Variants in MAN1C1 observed in about 807,000 individuals in gnomAD.
The protein encoded by MAN1C1 is mannosyl-oligosaccharide 1,2-alpha-mannosidase IC.
MAN1C1 carries 49 observed loss-of-function variants against 71.5 expected under a neutral mutation model. The ratio of observed to expected loss-of-function variants is 0.69; its 90% CI spans 0.54 to 0.87. MAN1C1 has a LOEUF of 0.87. Among genes scored for constraint, MAN1C1 ranks in the 40% least tolerant of loss-of-function variants. The probability of loss-of-function intolerance (pLI) is 0.00; values close to 1 mark genes in which losing one functional copy is unlikely to be tolerated. For missense variants in MAN1C1, 743 were observed against 835.0 expected (o/e 0.89, Z 1.36); for synonymous variants, 352 against 343.7 (o/e 1.02, Z -0.27).
chr1:25,710,657 A>G (rs2046601497), intron 2 of MAN1C1, among the ~76,000 whole-genome samples: 2 of 152,168 alleles, frequency 1.3e-5, no homozygotes, highest in Non-Finnish European at 2.9e-5. Flanking sequence ...GGCTTTCTGG[A>G]AGCATGATTC....
chr1:25,642,735 A>G (rs2045554341), intron 1 of MAN1C1, among the ~76,000 whole-genome samples: 1 of 152,222 alleles, frequency 6.6e-6, no homozygotes, highest in Non-Finnish European at 1.5e-5. Context: ...CATTTAGCCT[A>G]AGAGCATTCA....
intron 6 of MAN1C1, 58 bp downstream of exon 6, chr1:25,758,767 A>G: frequency 6.7e-7 from 1 of 1,496,550 alleles, no homozygotes; most frequent in Non-Finnish European, 9.3e-7. Flanking sequence ...TGCGGCTGCC[A>G]CAGGGTTTTC....
At chr1:25,697,596 A>G (rs1019314586) in intron 2 of MAN1C1, among the ~76,000 whole-genome samples, 1 of 152,212 alleles carries the variant, frequency 6.6e-6, no homozygotes, top group Admixed American at 6.5e-5. Context: ...CTCTTTTGGT[A>G]GCTCTACATG....
chr1:25,752,418 C>T (rs751636261), intron 4 of MAN1C1, among the ~76,000 whole-genome samples: 1 of 152,176 alleles, frequency 6.6e-6, no homozygotes, highest in Admixed American at 6.5e-5. Flanking sequence ...CCACCTGCTT[C>T]GGCCTCCCAA....
intron 2 of MAN1C1, among the ~76,000 whole-genome samples, chr1:25,728,595 A>C (rs1299297217): frequency 6.6e-6 from 1 of 152,052 alleles, no homozygotes; most frequent in Non-Finnish European, 1.5e-5. Flanking sequence ...TGACTCAGGC[A>C]CTCAGGGTGA....
intron 1 of MAN1C1, among the ~76,000 whole-genome samples, chr1:25,646,766 C>T (rs1028531234): frequency 9.2e-5 from 14 of 152,130 alleles, no homozygotes; most frequent in East Asian, 1.9e-4. Context: ...TTTTGATGGC[C>T]GGATAAAATC....
chr1:25,652,395 C>G (rs1268450760), intron 1 of MAN1C1, among the ~76,000 whole-genome samples: 1 of 152,244 alleles, frequency 6.6e-6, no homozygotes, highest in Non-Finnish European at 1.5e-5. Flanking sequence ...CAGTGGCGCT[C>G]TCCCGGGAAG....
chr1:25,627,069 G>C (rs2045305725), intron 1 of MAN1C1, among the ~76,000 whole-genome samples: 1 of 152,024 alleles, frequency 6.6e-6, no homozygotes, highest in Non-Finnish European at 1.5e-5. Context: ...TGTAAGGTAG[G>C]AGTTAAAGTT....
intron 2 of MAN1C1, among the ~76,000 whole-genome samples, chr1:25,698,908 A>G (rs2046401140): frequency 1.3e-5 from 2 of 151,350 alleles, no homozygotes; most frequent in Non-Finnish European, 2.9e-5. Context: ...AGATCGCGCC[A>G]CTGCACTCCA....
intron 1 of MAN1C1, among the ~76,000 whole-genome samples, chr1:25,629,902 T>C (rs1201357268): frequency 6.6e-6 from 1 of 152,180 alleles, no homozygotes; most frequent in Non-Finnish European, 1.5e-5. Context: ...CGAGATCCCA[T>C]TTATTGATCT....
intron 2 of MAN1C1, among the ~76,000 whole-genome samples, chr1:25,720,856 A>T (rs2046753304): frequency 6.6e-6 from 1 of 152,138 alleles, no homozygotes; most frequent in Non-Finnish European, 1.5e-5. Context: ...TTGTGGTGTG[A>T]GGTAGGACTC....
rs376041844 is a variant in MAN1C1, at chr1:25,643,586, TTTATTA to T, written c.540+25273_540+25278del. 1.6e-3 allele frequency among the ~76,000 whole-genome samples: 225 copies of T among 139,864 alleles called. 1 individual carries two copies. The highest frequency in any genetic ancestry group is 4.9e-3 in the African/African-American group (176 of 35,990). 91.8% of individuals were successfully genotyped at this position (139,864 alleles called of 152,430 possible). A position where few individuals can be genotyped will look rare whatever the true frequency, so the allele number is the denominator to read the frequency against. Reference sequence around the variant, plus strand: ...ACGCCTGGCCTTTTATATATATATATTTATTATTATTATTATTATTATTATTATTTG... The same window carrying T: ...ACGCCTGGCCTTTTATATATATATATTTATTATTATTATTATTATTATTTG... On this transcript the variant is annotated intron_variant, in intron 1 of 11. Coordinates refer to ENST00000374332, the MANE Select transcript of MAN1C1 (RefSeq NM_020379.4).
chr1:25,618,538 C>A (rs1041668559), intron 1 of MAN1C1, among the ~76,000 whole-genome samples: 2 of 152,080 alleles, frequency 1.3e-5, no homozygotes, highest in Non-Finnish European at 2.9e-5. Flanking sequence ...TCCCACCACT[C>A]GGGTCAGTTA....
At chr1:25,675,933 T>TA (rs1444005861) in intron 1 of MAN1C1, among the ~76,000 whole-genome samples, 1 of 152,224 alleles carries the variant, frequency 6.6e-6, no homozygotes, top group Non-Finnish European at 1.5e-5. Flanking sequence ...GGCAGAGCCC[T>TA]AGAGCAGCCT....
chr1:25,619,768 G>A (rs1297695120), intron 1 of MAN1C1, among the ~76,000 whole-genome samples: 1 of 152,160 alleles, frequency 6.6e-6, no homozygotes, highest in Non-Finnish European at 1.5e-5. Context: ...AAGGAACTAC[G>A]CTGTTGAATA....
chr1:25,784,006 C>G lies in MAN1C1; in HGVS notation c.*217C>G. 1.9e-6 allele frequency: 1 copy of G among 517,224 alleles called. No individual in the cohort carries two copies. Among genetic ancestry groups the G allele is most frequent in the South Asian group, 3.6e-5 (1 of 27,826 alleles). 32.0% of individuals were successfully genotyped at this position (517,224 alleles called of 1,614,324 possible). On this transcript the variant is annotated 3_prime_UTR_variant, in exon 12 of 12. Coordinates refer to ENST00000374332, the MANE Select transcript of MAN1C1 (RefSeq NM_020379.4). The stretch of plus-strand genomic sequence containing the variant: ...CATGGCCACACTGGCCCACACATTC[C>G]TTTCTACAGAGAATTTCTATGAAGC...
intron 1 of MAN1C1, among the ~76,000 whole-genome samples, chr1:25,621,265 C>T (rs1390942545): frequency 2.6e-5 from 4 of 152,044 alleles, no homozygotes; most frequent in South Asian, 4.2e-4. Context: ...TTGATGGGGT[C>T]GTGATGTTCA....
intron 2 of MAN1C1, among the ~76,000 whole-genome samples, chr1:25,696,108 C>T (rs188907472): frequency 6.6e-6 from 1 of 152,328 alleles, no homozygotes; most frequent in African/African-American, 2.4e-5. Context: ...ACATTCTCTC[C>T]TGGTGGCAGC....
intron 1 of MAN1C1, among the ~76,000 whole-genome samples, chr1:25,663,538 A>G (rs537512897): frequency 6.6e-6 from 1 of 152,346 alleles, no homozygotes; most frequent in South Asian, 2.1e-4. Flanking sequence ...CTTGCTCCCA[A>G]AATACTTCGT....
Sources: allele counts gnomAD v4.1 joint callset (sites outside exome capture counted in the v4.1 genomes callset), GRCh38; gene constraint gnomAD v4.1.1; transcripts MANE v1.5; gene names NCBI Gene and HGNC (gene_info 2026-07-23, HGNC 2026-07-21).